The following RGS20 variants were observed in gnomAD, a reference collection of about 807,000 sequenced individuals.
RGS20 encodes gz-selective GTPase-activating protein.
RGS20 carries 30 observed loss-of-function variants against 33.6 expected under a neutral mutation model. The ratio of observed to expected loss-of-function variants is 0.89; its 90% confidence interval spans 0.67 to 1.21. RGS20 has a LOEUF of 1.21. RGS20 is among the 50% of genes most tolerant of loss of function. RGS20 has a pLI of 0.00. For synonymous variants in RGS20, 208 were observed against 197.9 expected, an observed-to-expected ratio of 1.05 and a Z score of -0.43; for missense variants, 472 against 502.4, an observed-to-expected ratio of 0.94 and a Z score of 0.58.
chr8:53,909,158 G>A (rs1031115350), intron 2 of RGS20, among the ~76,000 whole-genome samples: 1 of 136,808 alleles, frequency 7.3e-6, no homozygotes. Flanking sequence ...GGTAGTGGTG[G>A]TACTGGGTCC....
chr8:53,947,893 TA>T lies in RGS20; in HGVS notation c.743+1146del, dbSNP rs202078857. On this transcript the variant is annotated intron_variant, in intron 4 of 5. Transcript: ENST00000297313. The stretch of plus-strand genomic sequence containing the variant: ...TGCTATATATAAGATGTAGTATATA[TA>T]TGCTATATATATGATATAGTATATA... Among the ~76,000 whole-genome samples the T allele has an allele frequency of 8.6e-3, 1,086 of 125,814 alleles. 17 individuals are homozygous for T. Among genetic ancestry groups the T allele is most frequent in the African/African-American group, 0.026 (897 of 34,118 alleles). The allele number at this position is 125,814 out of a possible 152,430, so 82.5% of individuals were successfully genotyped here. A position where few individuals can be genotyped will look rare whatever the true frequency, so the allele number is the denominator to read the frequency against.
At chr8:53,878,180 T>A (rs1812251088) in intron 1 of RGS20, among the ~76,000 whole-genome samples, 3 of 152,306 alleles carry the variant, frequency 2.0e-5, no homozygotes, top group South Asian at 4.1e-4. Context: ...TTGTTTGGCA[T>A]GAGGGGGTGT....
chr8:53,918,167 A>G (rs895164087), intron 2 of RGS20, among the ~76,000 whole-genome samples: 3 of 152,202 alleles, frequency 2.0e-5, no homozygotes, highest in African/African-American at 2.4e-5. Flanking sequence ...AAGTTGTGCA[A>G]CAATCACCAC....
intron 1 of RGS20, among the ~76,000 whole-genome samples, chr8:53,852,766 G>A (rs1401010842): frequency 2.0e-5 from 3 of 152,164 alleles, no homozygotes; most frequent in East Asian, 3.8e-4. Flanking sequence ...AAAATTAAAT[G>A]CTGCAAAACT....
chr8:53,863,962 C>T (rs1007065631), intron 1 of RGS20, among the ~76,000 whole-genome samples: 2 of 151,804 alleles, frequency 1.3e-5, no homozygotes, highest in Admixed American at 6.6e-5. Context: ...CTCCTGACCT[C>T]GTGATCTGCC....
chr8:53,869,495 G>A (rs541534610), intron 1 of RGS20, among the ~76,000 whole-genome samples: 4 of 152,212 alleles, frequency 2.6e-5, no homozygotes, highest in Admixed American at 2.6e-4. Flanking sequence ...GGCCAACATG[G>A]TGAAACCCTG....
chr8:53,892,012 G>C (rs969642536), intron 2 of RGS20, among the ~76,000 whole-genome samples: 45 of 151,908 alleles, frequency 3.0e-4, no homozygotes, highest in African/African-American at 1.1e-3. Context: ...TTAGCATTAG[G>C]TATATCTCCT....
chr8:53,869,659 G>A (rs1179129769), intron 1 of RGS20, among the ~76,000 whole-genome samples: 1 of 152,138 alleles, frequency 6.6e-6, no homozygotes, highest in African/African-American at 2.4e-5. Flanking sequence ...CTAGGTGATA[G>A]CACAAGAGAG....
chr8:53,879,237 GT>G (rs1812278027), intron 1 of RGS20: 1 of 1,605,882 alleles, frequency 6.2e-7, no homozygotes, highest in Admixed American at 1.7e-5. Context: ...TGCTGGTTTT[GT>G]TTCTCTCTCC....
At chr8:53,878,970 A>C (rs1812268200) in intron 1 of RGS20, among the ~76,000 whole-genome samples, 1 of 152,214 alleles carries the variant, frequency 6.6e-6, no homozygotes, top group Non-Finnish European at 1.5e-5. Context: ...GTTACCATGC[A>C]GATTCCGATG....
intron 2 of RGS20, among the ~76,000 whole-genome samples, chr8:53,909,149 G>A (rs1813265764): frequency 7.3e-6 from 1 of 136,196 alleles, no homozygotes; most frequent in African/African-American, 2.7e-5. Flanking sequence ...GGTCATACAG[G>A]TAGTGGTGGT....
intron 2 of RGS20, among the ~76,000 whole-genome samples, chr8:53,886,036 A>G (rs1265036743): frequency 6.6e-6 from 1 of 152,224 alleles, no homozygotes; most frequent in Non-Finnish European, 1.5e-5. Context: ...AATATTTCAG[A>G]TTGGTTTTCA....
At chr8:53,855,433 A>G (rs1313509866) in intron 1 of RGS20, among the ~76,000 whole-genome samples, 1 of 152,184 alleles carries the variant, frequency 6.6e-6, no homozygotes, top group Non-Finnish European at 1.5e-5. Flanking sequence ...AAGATTAGGG[A>G]TTAGGTAGGG....
At chr8:53,912,246 C>T (rs1813364882) in intron 2 of RGS20, among the ~76,000 whole-genome samples, 1 of 152,052 alleles carries the variant, frequency 6.6e-6, no homozygotes, top group Non-Finnish European at 1.5e-5. Context: ...GGAACCAAGA[C>T]TCAAAAAGAT....
chr8:53,940,301 C>A (rs1436132845), intron 3 of RGS20, among the ~76,000 whole-genome samples: 2 of 152,140 alleles, frequency 1.3e-5, no homozygotes, highest in East Asian at 1.9e-4. Context: ...ACATCTGTGA[C>A]CCTTTGAGTA....
chr8:53,884,227 ACTCT>A (rs1812476355), intron 2 of RGS20, among the ~76,000 whole-genome samples: 2 of 116,700 alleles, frequency 1.7e-5, no homozygotes, highest in Admixed American at 2.1e-4. Context: ...GCTGGGTCTC[ACTCT>A]CTCACCCAGG....
chr8:53,951,696 C>T (rs1330123124), intron 4 of RGS20, among the ~76,000 whole-genome samples: 4 of 152,066 alleles, frequency 2.6e-5, no homozygotes, highest in Non-Finnish European at 5.9e-5. Flanking sequence ...TGTACTGACA[C>T]CAATATAATT....
intron 2 of RGS20, among the ~76,000 whole-genome samples, chr8:53,924,970 A>G (rs1240465905): frequency 6.6e-6 from 1 of 152,148 alleles, no homozygotes; most frequent in Admixed American, 6.6e-5. Context: ...CTTTTAAAGC[A>G]CTGACTGTAG....
chr8:53,947,004 CATATT>C (rs1365887129), intron 4 of RGS20, among the ~76,000 whole-genome samples: 15 of 149,618 alleles, frequency 1.0e-4, no homozygotes, highest in African/African-American at 2.4e-4. Flanking sequence ...CCTAACAAAA[CATATT>C]ATGTTATTTT....
Sources: allele counts gnomAD v4.1 joint callset (sites outside exome capture counted in the v4.1 genomes callset), GRCh38; gene constraint gnomAD v4.1.1; transcripts MANE v1.5; gene names NCBI Gene and HGNC (gene_info 2026-07-23, HGNC 2026-07-21).